Variants in FAM178B observed in about 807,000 individuals in gnomAD.
FAM178B encodes the protein family with sequence similarity 178 member B.
A neutral mutation model predicts 91.7 loss-of-function variants in FAM178B; 82 were observed. The ratio of observed to expected loss-of-function variants is 0.89; its 90% CI spans 0.75 to 1.07. FAM178B has a LOEUF of 1.07. FAM178B is among the 50% of genes least tolerant of loss of function. FAM178B has a pLI of 0.00. For synonymous variants in FAM178B, 368 were observed against 359.4 expected, an observed-to-expected ratio of 1.02 and a Z score of -0.27; for missense variants, 769 against 846.7, an observed-to-expected ratio of 0.91 and a Z score of 1.14.
chr2:96,879,086 C>G (rs2080316586), intron 14 of FAM178B, among the ~76,000 whole-genome samples: 2 of 152,374 alleles, frequency 1.3e-5, no homozygotes, highest in South Asian at 4.1e-4. Flanking sequence ...TGAGGCACCC[C>G]TGGACTCTTG....
Position 96,886,369 on chromosome 2 carries a change from C to T in FAM178B, c.1776+7557G>A, listed in dbSNP as rs552876857. On this transcript the variant is annotated intron_variant, in intron 14 of 16. Transcript: ENST00000490605. Reference sequence around the variant, plus strand: ...ATGAGACGCCATTCTGGTTACGATTCGAGGGCCGAAGCTCTTTCTTGTCCA... The same window carrying T: ...ATGAGACGCCATTCTGGTTACGATTTGAGGGCCGAAGCTCTTTCTTGTCCA... Among the ~76,000 whole-genome samples the T allele has an allele frequency of 3.7e-4, 56 of 152,298 alleles. 1 individual carries two copies. The South Asian group carries it at 8.7e-3, about 24-fold the overall frequency.
chr2:96,967,775 A>C (rs2082162593), intron 4 of FAM178B, 148 bp from the exon 5 acceptor site: 1 of 608,342 alleles, frequency 1.6e-6, no homozygotes, highest in East Asian at 2.8e-5. Flanking sequence ...GCTCACACAG[A>C]TTTTTAAGGC....
intron 12 of FAM178B, among the ~76,000 whole-genome samples, chr2:96,904,173 G>A (rs2080986701): frequency 6.6e-6 from 1 of 152,002 alleles, no homozygotes; most frequent in South Asian, 2.1e-4. Context: ...AAAAGGAGAG[G>A]CACTAGAAGG....
chr2:96,959,218 AAAAAAAAAG>A (rs2082046569), intron 6 of FAM178B, among the ~76,000 whole-genome samples: 1 of 128,736 alleles, frequency 7.8e-6, no homozygotes, highest in Admixed American at 7.3e-5. Context: ...AAAAAAAAAA[AAAAAAAAAG>A]TAATCCTGCA....
chr2:96,902,840 T>G (rs2080959818), intron 12 of FAM178B, 133 bp from the exon 13 acceptor site: 4 of 649,988 alleles, frequency 6.2e-6, no homozygotes, highest in Non-Finnish European at 1.2e-5. Context: ...AAGGGCTTTC[T>G]CCATTGGCTT....
chr2:96,977,721 T>C, intron 1 of FAM178B: 1 of 414,432 alleles, frequency 2.4e-6, no homozygotes, highest in Non-Finnish European at 4.9e-6. Context: ...GGGAAGGATA[T>C]TTCCTCCTTT....
intron 12 of FAM178B, among the ~76,000 whole-genome samples, chr2:96,918,652 A>T (rs2081281691): frequency 6.6e-6 from 1 of 150,816 alleles, no homozygotes; most frequent in African/African-American, 2.5e-5. Context: ...GACACTAAAC[A>T]GTCACTGGAA....
At chr2:96,881,286 AAAAAAGG>A (rs2080376534) in intron 14 of FAM178B, among the ~76,000 whole-genome samples, 1 of 151,698 alleles carries the variant, frequency 6.6e-6, no homozygotes, top group Non-Finnish European at 1.5e-5. Context: ...AAAAAAAAAA[AAAAAAGG>A]AAGAAGCTGA....
intron 13 of FAM178B, among the ~76,000 whole-genome samples, chr2:96,895,410 C>T (rs546648633): frequency 6.6e-6 from 1 of 152,372 alleles, no homozygotes; most frequent in South Asian, 2.1e-4. Flanking sequence ...TATTAGCCGC[C>T]CCAGCCCCCA....
At chr2:96,942,321 C>T (rs2081746004) in intron 8 of FAM178B, among the ~76,000 whole-genome samples, 1 of 152,174 alleles carries the variant, frequency 6.6e-6, no homozygotes, top group East Asian at 1.9e-4. Flanking sequence ...TATTAAAATC[C>T]CAGCTTTCAA....
chr2:96,955,876 A>C (rs753673080), intron 6 of FAM178B, among the ~76,000 whole-genome samples: 3 of 152,180 alleles, frequency 2.0e-5, no homozygotes, highest in Non-Finnish European at 4.4e-5. Flanking sequence ...TTCCTCCAGG[A>C]AGAGAAGCTA....
chr2:96,888,959 T>C (rs1248595079), intron 14 of FAM178B, among the ~76,000 whole-genome samples: 2 of 152,138 alleles, frequency 1.3e-5, no homozygotes, highest in Non-Finnish European at 2.9e-5. Flanking sequence ...TCCCCAGGCC[T>C]CAGGAGCATG....
intron 1 of FAM178B, among the ~76,000 whole-genome samples, chr2:96,973,514 A>T (rs1478724792): frequency 6.6e-6 from 1 of 152,178 alleles, no homozygotes; most frequent in Admixed American, 6.5e-5. Flanking sequence ...CATGGCACAC[A>T]CACAGACATC....
At chr2:96,899,602 C>T (rs1396819560) in intron 13 of FAM178B, among the ~76,000 whole-genome samples, 2 of 151,846 alleles carry the variant, frequency 1.3e-5, no homozygotes, top group East Asian at 1.9e-4. Flanking sequence ...CTTGCTCTGT[C>T]GCCCAGGCTG....
intron 12 of FAM178B, among the ~76,000 whole-genome samples, chr2:96,914,141 G>T (rs891629741): frequency 6.6e-5 from 10 of 152,254 alleles, no homozygotes; most frequent in African/African-American, 2.4e-4. Context: ...TCCCGCCCAG[G>T]GAGCTCATAC....
Position 96,921,194 on chromosome 2 carries a change from C to G in FAM178B, c.1533G>C (p.Gln511His). The change falls in exon 12 of 17, where the codon CAG becomes CAC. Residue 511 changes from glutamine (Q) to histidine (H), a missense_variant. By Grantham distance (24) the Gln-to-His change is conservative (BLOSUM62 0). Transcript: ENST00000490605. ...DHHHNLLALVQFFPDMTSRSR... is the reference protein window; with the variant it reads ...DHHHNLLALVHFFPDMTSRSR... ...TCCGGGAGGTCATGTCTGGGAAGAACTGCACGAGGGCCAGCAGGTTGTGGT... is the reference window on the plus strand; with the variant it reads ...TCCGGGAGGTCATGTCTGGGAAGAAGTGCACGAGGGCCAGCAGGTTGTGGT... 1 of 1,551,576 alleles carries G rather than the reference C, an allele frequency of 6.4e-7. No individual in the cohort carries two copies. The highest frequency in any genetic ancestry group is 8.7e-7 in the Non-Finnish European group (1 of 1,146,968).
At chr2:96,974,951 C>T (rs936825870) in intron 1 of FAM178B, among the ~76,000 whole-genome samples, 1 of 151,820 alleles carries the variant, frequency 6.6e-6, no homozygotes, top group East Asian at 1.9e-4. Context: ...ATTAGCTGGG[C>T]TTGGTGGCAT....
intron 8 of FAM178B, among the ~76,000 whole-genome samples, chr2:96,930,244 A>T (rs975576790): frequency 2.9e-5 from 4 of 140,308 alleles, no homozygotes; most frequent in Middle Eastern, 3.6e-3. Flanking sequence ...AAAAAAAAAA[A>T]TCTGACCACG....
chr2:96,904,564 T>TTTTTTTTTTTTC (rs2080995513), intron 12 of FAM178B, among the ~76,000 whole-genome samples: 1 of 138,882 alleles, frequency 7.2e-6, no homozygotes, highest in Non-Finnish European at 1.6e-5. Flanking sequence ...TTTTTTTTTT[T>TTTTTTTTTTTTC]TGTATTTTTA....
Sources: gnomAD v4.1 joint callset for allele counts (sites outside exome capture counted in the v4.1 genomes callset) on GRCh38, gnomAD v4.1.1 for gene constraint, MANE v1.5 for transcripts, NCBI Gene and HGNC (gene_info 2026-07-23, HGNC 2026-07-21) for gene names.